ADAM21: variants seen among roughly 807,000 people sequenced by gnomAD.
ADAM21 encodes ADAM metallopeptidase domain 21, also known as disintegrin and metalloproteinase domain-containing protein 21.
For synonymous variants in ADAM21, 262 were observed against 306.0 expected, an observed-to-expected ratio of 0.86 and a Z score of 1.50; for missense variants, 678 against 874.4, an observed-to-expected ratio of 0.78 and a Z score of 2.83.
chr14:70,455,536 G>T (rs1023251628), intron 1 of ADAM21, among the ~76,000 whole-genome samples: 79 of 152,218 alleles, frequency 5.2e-4, no homozygotes, highest in African/African-American at 1.8e-3. Context: ...TTAAAAGGTT[G>T]AAAACACCAT....
chr14:70,452,845 AAGT>A (rs1310891695), intron 1 of ADAM21, among the ~76,000 whole-genome samples: 1 of 152,160 alleles, frequency 6.6e-6, no homozygotes, highest in Non-Finnish European at 1.5e-5. Flanking sequence ...GGAATAGATA[AAGT>A]AGTAGAAGAT....
rs765290008 is a variant in ADAM21, at chr14:70,459,430, T to G, written c.1931T>G (p.Ile644Ser). The G allele has an allele frequency of 2.5e-6, 4 of 1,614,238 alleles. No individual in the cohort carries two copies. In the South Asian group the frequency reaches 4.4e-5, roughly 18 times the overall value. Residue 644 changes from isoleucine (I) to serine (S), a missense_variant, in exon 2 of 2, where the codon ATC (isoleucine) becomes AGC (serine). Transcript: ENST00000603540. ...CLPETCNMKG[I>S]CNNKHHCHCG... ...CCTGAGACCTGCAATATGAAGGGGA[T>G]CTGCAATAACAAACATCACTGCCAC...
Position 70,458,214 on chromosome 14 carries a change from G to T in ADAM21, c.715G>T (p.Val239Phe). ...SKVQEDVFLV[V>F]NIVDSMYKQL... ...GGTGCAAGAGGATGTATTTCTTGTT[G>T]TCAACATAGTGGATTCCATGTATAA... The change falls in exon 2 of 2, where the codon GTC becomes TTC. Residue 239 changes from valine to phenylalanine, a missense_variant. Coordinates refer to ENST00000603540, the MANE Select transcript of ADAM21 (RefSeq NM_003813.4). 3 of 1,613,856 alleles carry T rather than the reference G, an allele frequency of 1.9e-6. No individual in the cohort carries two copies. The highest frequency in any genetic ancestry group is 2.5e-6 in the Non-Finnish European group (3 of 1,179,978).
At chr14:70,453,459 A>C (rs1182067816) in intron 1 of ADAM21, 1 of 152,182 alleles carries the variant, frequency 6.6e-6, no homozygotes, top group Admixed American at 6.5e-5. Flanking sequence ...ACCACTTCAC[A>C]GTATCCATGG....
In ADAM21 at chr14:70,459,033, C is replaced by G. The variant is rs775728988; in HGVS notation, c.1534C>G (p.Gln512Glu). The G allele has an allele frequency of 8.1e-6, 13 of 1,613,856 alleles. No homozygotes were observed. The highest frequency in any genetic ancestry group is 1.3e-5 in the African/African-American group (1 of 74,854). Residue 512 changes from glutamine to glutamate, a missense_variant, in exon 2 of 2, where the codon CAG becomes GAG. Physicochemically the swap from Gln to Glu is conservative, Grantham distance 29 (BLOSUM62 2). Transcript: ENST00000603540. ...TCAAAAGAGGTGTAATAACCATGACCAGCATTGCAGGGAGATTTTTGGTAA... is the reference window on the plus strand; with the variant it reads ...TCAAAAGAGGTGTAATAACCATGACGAGCATTGCAGGGAGATTTTTGGTAA... The part of the protein sequence containing the change: ...CYQKRCNNHD[Q>E]HCREIFGKDA...
intron 1 of ADAM21, among the ~76,000 whole-genome samples, chr14:70,456,421 A>G (rs1256940005): frequency 6.6e-6 from 1 of 152,196 alleles, no homozygotes; most frequent in Non-Finnish European, 1.5e-5. Context: ...CTGTTGGTAA[A>G]TATATTTGAG....
chr14:70,459,589 TC>T lies in ADAM21; in HGVS notation c.2092del (p.Leu698CysfsTer32). ...IVIPSLSVLT[F>X]LFTVGLLMYL... ...ATTCCTTCTTTGTCTGTTTTGACTT[TC>T]CTGTTTACTGTCGGGCTTCTTATGT... On this transcript the variant is annotated frameshift_variant, in exon 2 of 2. Transcript: ENST00000603540. LOFTEE classifies it low-confidence loss of function (END_TRUNC). 6.2e-7 allele frequency: 1 copy of T among 1,614,226 alleles called. No homozygotes were observed. The highest frequency in any genetic ancestry group is 2.2e-5 in the East Asian group (1 of 44,888).
In ADAM21 at chr14:70,459,901, C is replaced by T. The variant is rs1271513746; in HGVS notation, c.*233C>T. 1 of 531,312 alleles carries T rather than the reference C, an allele frequency of 1.9e-6. No individual in the cohort carries two copies. The highest frequency in any genetic ancestry group is 1.9e-5 in the African/African-American group (1 of 52,380). The allele number at this position is 531,312 out of a possible 1,614,324, so 32.9% of individuals were successfully genotyped here. A position where few individuals can be genotyped will look rare whatever the true frequency, so the allele number is the denominator to read the frequency against. ...CAAATAAAGCTACATCCTTCCCTCC[C>T]TTTAGTCCTTGTTGTGTTTCTTGTG... is the stretch of plus-strand genomic sequence containing the variant. On this transcript the variant is annotated 3_prime_UTR_variant, in exon 2 of 2. Coordinates refer to ENST00000603540, the MANE Select transcript of ADAM21 (RefSeq NM_003813.4).
intron 1 of ADAM21, among the ~76,000 whole-genome samples, chr14:70,456,180 A>G (rs1372275292): frequency 6.6e-6 from 1 of 152,214 alleles, no homozygotes. Context: ...ATTGAATACA[A>G]TATTACTGAC....
In ADAM21 at chr14:70,457,673, T is replaced by C. The variant is rs1246037315; in HGVS notation, c.174T>C (p.Pro58=). ...GCAGGGGCAGAAGTGCAAAGGCTCC[T>C]GGATGGCTCTCCTATAGTCTGCGGT... is the stretch of plus-strand genomic sequence containing the variant. ...VISRGRSAKA[P]GWLSYSLRFG... Residue 58 remains proline, a synonymous_variant, in exon 2 of 2, where the codon CCT becomes CCC. Transcript: ENST00000603540. 1.2e-6 allele frequency: 2 copies of C among 1,613,996 alleles called. No individual in the cohort carries two copies. The highest frequency in any genetic ancestry group is 1.7e-6 in the Non-Finnish European group (2 of 1,179,960).
chr14:70,457,533 G>C lies in ADAM21; in HGVS notation c.34G>C (p.Val12Leu). 1 of 1,601,126 alleles carries C rather than the reference G, an allele frequency of 6.2e-7. No individual in the cohort carries two copies. The highest frequency in any genetic ancestry group is 1.1e-5 in the South Asian group (1 of 88,236). The change falls in exon 2 of 2, where the codon GTC becomes CTC. Residue 12 changes from valine (V) to leucine (L), a missense_variant. Val to Leu is a conservative substitution (Grantham distance 32). Transcript: ENST00000603540. ...AVDGTLVYIRVTLLLLWLGVF... is the reference protein window; with the variant it reads ...AVDGTLVYIRLTLLLLWLGVF... ...GGATGGGACCCTCGTGTACATCAGA[G>C]TCACTCTTCTGCTGCTCTGGCTTGG...
chr14:70,455,787 A>T (rs1889094757), intron 1 of ADAM21, among the ~76,000 whole-genome samples: 1 of 152,174 alleles, frequency 6.6e-6, no homozygotes, highest in African/African-American at 2.4e-5. Flanking sequence ...ACAGCTTGTT[A>T]TTGGTAATGA....
Position 70,458,169 on chromosome 14 carries a change from T to G in ADAM21, c.670T>G (p.Ser224Ala). 6.2e-7 allele frequency: 1 copy of G among 1,613,848 alleles called. No individual in the cohort carries two copies. Among genetic ancestry groups the G allele is most frequent in the Non-Finnish European group, 8.5e-7 (1 of 1,179,894 alleles). Residue 224 changes from serine to alanine, a missense_variant, in exon 2 of 2, where the codon TCT (serine) becomes GCT (alanine). Coordinates refer to ENST00000603540, the MANE Select transcript of ADAM21 (RefSeq NM_003813.4). ...GGTGAACCATGATTTCTTCATTTAC[T>G]CTCAAAGCAACATCTCAAAGGTGCA... is the stretch of plus-strand genomic sequence containing the variant. ...VVVNHDFFIY[S>A]QSNISKVQED...
At position 70,458,305 on chromosome 14, in the gene ADAM21, T is replaced by A. The variant is rs1882456926; in HGVS notation, c.806T>A (p.Met269Lys). The change falls in exon 2 of 2, where the codon ATG becomes AAG. Residue 269 changes from methionine to lysine, a missense_variant. Met to Lys is a moderately conservative substitution (Grantham distance 95). Transcript: ENST00000603540. ...EIWNQGNVFP[M>K]TSIEQVLNDF... ...TGGAATCAAGGAAATGTTTTCCCAA[T>A]GACAAGCATAGAACAGGTCCTGAAC... 1.2e-6 allele frequency: 2 copies of A among 1,614,120 alleles called. No homozygotes were observed. The highest frequency in any genetic ancestry group is 1.7e-6 in the Non-Finnish European group (2 of 1,180,046).
chr14:70,457,218 C>T (rs182337891), intron 1 of ADAM21, 131 bp from the exon 2 acceptor site: 302 of 365,764 alleles, frequency 8.3e-4, no homozygotes, highest in Admixed American at 2.7e-3. Context: ...TAAATCCCCA[C>T]CCTCATTTAC....
In ADAM21 at chr14:70,458,372, G is replaced by A. The variant is rs770428722; in HGVS notation, c.873G>A (p.Gln291=). Residue 291 remains glutamine (Q), a synonymous_variant, in exon 2 of 2, where the codon CAG becomes CAA. Transcript: ENST00000603540. ...AACAAATCAGTCTTTCCCAGCTACA[G>A]CATGATGCTGCACATATGTTCATAA... ...QWKQISLSQL[Q]HDAAHMFIKN... The A allele has an allele frequency of 3.7e-6, 6 of 1,614,068 alleles. No homozygotes were observed. In the South Asian group the frequency reaches 4.4e-5, roughly 12 times the overall value.
Position 70,458,755 on chromosome 14 carries a change from A to G in ADAM21, c.1256A>G (p.Gln419Arg). ...CGNGVVEREE[Q>R]CDCGSVQQCE... ...AATGGTGTGGTTGAAAGAGAAGAGC[A>G]GTGTGACTGTGGATCCGTACAGCAG... Residue 419 changes from glutamine (Q) to arginine (R), a missense_variant, in exon 2 of 2, where the codon CAG becomes CGG. Transcript: ENST00000603540. 1.2e-6 allele frequency: 2 copies of G among 1,614,172 alleles called. No homozygotes were observed. Among genetic ancestry groups the G allele is most frequent in the Admixed American group, 1.7e-5 (1 of 60,024 alleles).
intron 1 of ADAM21, among the ~76,000 whole-genome samples, chr14:70,452,826 T>A (rs1287569259): frequency 6.6e-6 from 1 of 152,128 alleles, no homozygotes; most frequent in African/African-American, 2.4e-5. Context: ...TCACCTCAAT[T>A]GCCAGTAAGG....
Position 70,459,756 on chromosome 14 carries a change from C to A in ADAM21, c.*88C>A. 1 of 1,434,422 alleles carries A rather than the reference C, an allele frequency of 7.0e-7. No individual in the cohort carries two copies. Among genetic ancestry groups the A allele is most frequent in the Admixed American group, 2.1e-5 (1 of 47,878 alleles). The allele number at this position is 1,434,422 out of a possible 1,614,324, so 88.9% of individuals were successfully genotyped here. On this transcript the variant is annotated 3_prime_UTR_variant, in exon 2 of 2. Coordinates refer to ENST00000603540, the MANE Select transcript of ADAM21 (RefSeq NM_003813.4). The stretch of plus-strand genomic sequence containing the variant: ...ATTAGTACATCCCTGAAACTGAGCA[C>A]ATTTCTGACCATTTCCAGAAAGCTG...
Sources: gnomAD v4.1 joint callset for allele counts (sites outside exome capture counted in the v4.1 genomes callset) on GRCh38, gnomAD v4.1.1 for gene constraint, MANE v1.5 for transcripts, NCBI Gene and HGNC (gene_info 2026-07-23, HGNC 2026-07-21) for gene names.